The following SP3 variants were observed in gnomAD, a reference collection of about 807,000 sequenced individuals.
SP3 encodes the protein Sp3 transcription factor.
SP3 carries 10 observed loss-of-function variants against 70.3 expected under a neutral mutation model. That is an observed-to-expected ratio of 0.14 (90% confidence interval 0.09 to 0.24). SP3 has a LOEUF of 0.24. Ranked by LOEUF, SP3 falls within the 10% of genes least tolerant of loss-of-function variation. The pLI, the probability that SP3 is intolerant of heterozygous loss-of-function variation, is 1.00. For synonymous variants in SP3, 402 were observed against 333.5 expected, an observed-to-expected ratio of 1.21 and a Z score of -2.24; for missense variants, 825 against 914.6, an observed-to-expected ratio of 0.90 and a Z score of 1.26.
chr2:173,964,474 G>A lies in SP3; in HGVS notation c.87C>T (p.Gly29=), dbSNP rs1558909995. ...DSGGGGGGGG[G]HGEYLQQQQQ... ...GCTGCTGCTGCAGATACTCGCCGTG[G>A]CCGCCGCCGCCGCCACCGCCGCCGC... Residue 29 remains glycine, a synonymous_variant, in exon 2 of 7, where the codon GGC becomes GGT. Coordinates refer to ENST00000310015, the MANE Select transcript of SP3 (RefSeq NM_003111.5). 4.4e-6 allele frequency: 3 copies of A among 688,412 alleles called. No individual in the cohort carries two copies. Among genetic ancestry groups the A allele is most frequent in the East Asian group, 2.9e-5 (1 of 34,068 alleles). 42.6% of individuals were successfully genotyped at this position (688,412 alleles called of 1,614,324 possible).
chr2:173,965,238 G>C lies in SP3; in HGVS notation c.-67C>G. 1 of 1,536,898 alleles carries C rather than the reference G, an allele frequency of 6.5e-7. No individual in the cohort carries two copies. Among genetic ancestry groups the C allele is most frequent in the South Asian group, 1.2e-5 (1 of 83,122 alleles). The stretch of plus-strand genomic sequence containing the variant: ...ACACATGGTGAGGAGCGAAGGCGGC[G>C]GCGGCGGGAGAGGATGCGGGAAGCG... On this transcript the variant is annotated 5_prime_UTR_variant, in exon 1 of 7. Coordinates refer to ENST00000310015, the MANE Select transcript of SP3 (RefSeq NM_003111.5).
intron 5 of SP3, among the ~76,000 whole-genome samples, chr2:173,917,294 A>G (rs968739183): frequency 2.7e-5 from 4 of 149,542 alleles, no homozygotes; most frequent in Non-Finnish European, 4.5e-5. Context: ...ATTTTAATTG[A>G]CCAAAATATG....
At position 173,901,482 on chromosome 2, in the gene SP3, C is replaced by T. The variant is rs1233496353; in HGVS notation, c.*8459G>A. On this transcript the variant is annotated 3_prime_UTR_variant, in exon 7 of 7. Coordinates refer to ENST00000310015, the MANE Select transcript of SP3 (RefSeq NM_003111.5). ...AAAAATTGCAAATAACCCCAAAAAGCAAGTGGGCAAAGGATTCAAACAGGC... is the reference window on the plus strand; with the variant it reads ...AAAAATTGCAAATAACCCCAAAAAGTAAGTGGGCAAAGGATTCAAACAGGC... Among the ~76,000 whole-genome samples, 1 of 151,846 alleles carries T rather than the reference C, an allele frequency of 6.6e-6. No individual in the cohort carries two copies. Among genetic ancestry groups the T allele is most frequent in the Non-Finnish European group, 1.5e-5 (1 of 67,958 alleles).
rs762685885 is a variant in SP3 at position 173,909,198 on chromosome 2, T to TC, written c.*742dup. ...AACATTCTCTTACCACCCAAATGCC[T>TC]CAACTTATACATTTTAAACTTTTTT... On this transcript the variant is annotated 3_prime_UTR_variant, in exon 7 of 7. Transcript: ENST00000310015. 7.2e-5 allele frequency: 11 copies of TC among 152,620 alleles called. No homozygotes were observed. Among genetic ancestry groups the TC allele is most frequent in the Non-Finnish European group, 1.5e-4 (10 of 67,992 alleles). The allele number at this position is 152,620 out of a possible 1,614,324, so 9.5% of individuals were successfully genotyped here. A position where few individuals can be genotyped will look rare whatever the true frequency, so the allele number is the denominator to read the frequency against.
At chr2:173,915,089 G>C in intron 5 of SP3, 1 of 152,048 alleles carries the variant, frequency 6.6e-6, no homozygotes, top group East Asian at 1.9e-4. Context: ...AATTTAGCAT[G>C]GGAACACTAA....
At position 173,906,523 on chromosome 2, in the gene SP3, T is replaced by G. The variant is rs1689327304; in HGVS notation, c.*3418A>C. On this transcript the variant is annotated 3_prime_UTR_variant, in exon 7 of 7. Coordinates refer to ENST00000310015, the MANE Select transcript of SP3 (RefSeq NM_003111.5). ...TACAACAAAAACGATTGTTACCAGC[T>G]TCATATAATTAAAACTGAAAACCAA... The G allele has an allele frequency of 6.6e-6, 1 of 152,206 alleles. No individual in the cohort carries two copies. Among genetic ancestry groups the G allele is most frequent in the Admixed American group, 6.5e-5 (1 of 15,274 alleles). 9.4% of individuals were successfully genotyped at this position (152,206 alleles called of 1,614,324 possible). A position where few individuals can be genotyped will look rare whatever the true frequency, so the allele number is the denominator to read the frequency against.
chr2:173,931,205 C>T (rs1045537249), intron 4 of SP3, among the ~76,000 whole-genome samples: 1 of 152,158 alleles, frequency 6.6e-6, no homozygotes, highest in African/African-American at 2.4e-5. Context: ...AGGGTCTTGC[C>T]TCAAAGTCAA....
intron 4 of SP3, among the ~76,000 whole-genome samples, chr2:173,922,766 A>G (rs1297317278): frequency 2.6e-5 from 4 of 152,214 alleles, no homozygotes; most frequent in South Asian, 4.1e-4. Context: ...CATTGTGGTA[A>G]TCACTGGTGA....
At chr2:173,949,267 C>G (rs1175831371) in intron 4 of SP3, among the ~76,000 whole-genome samples, 2 of 152,006 alleles carry the variant, frequency 1.3e-5, no homozygotes, top group Non-Finnish European at 2.9e-5. Flanking sequence ...TTATCTTTCA[C>G]CTTGTTAGAA....
chr2:173,914,518 T>A (rs1483601296), intron 5 of SP3: 11 of 152,206 alleles, frequency 7.2e-5, no homozygotes. Flanking sequence ...GTGCTGGCTG[T>A]TAGATGCCAT....
Position 173,965,247 on chromosome 2 carries a change from AG to A in SP3, c.-77del, listed in dbSNP as rs1049000867. ...GAGGAGCGAAGGCGGCGGCGGCGGG[AG>A]AGGATGCGGGAAGCGGCGGCGGACA... On this transcript the variant is annotated 5_prime_UTR_variant, in exon 1 of 7. Transcript: ENST00000310015. 4 of 1,511,396 alleles carry A rather than the reference AG, an allele frequency of 2.6e-6. No individual in the cohort carries two copies. In the African/African-American group the frequency reaches 5.6e-5, roughly 21 times the overall value. The allele number at this position is 1,511,396 out of a possible 1,614,324, so 93.6% of individuals were successfully genotyped here.
chr2:173,924,550 C>T (rs1287289027), intron 4 of SP3, among the ~76,000 whole-genome samples: 1 of 152,166 alleles, frequency 6.6e-6, no homozygotes, highest in East Asian at 1.9e-4. Flanking sequence ...TAAGTGTTTA[C>T]ATATATTAAC....
At chr2:173,957,588 G>A (rs1423346016) in intron 3 of SP3, among the ~76,000 whole-genome samples, 1 of 152,084 alleles carries the variant, frequency 6.6e-6, no homozygotes, top group African/African-American at 2.4e-5. Context: ...AAGTAATGGG[G>A]AACAGGACTA....
chr2:173,965,109 T>TCGGCGG, intron 1 of SP3, 56 bp downstream of exon 1: 2 of 1,543,458 alleles, frequency 1.3e-6, no homozygotes, highest in African/African-American at 1.4e-5. Flanking sequence ...CTGGCTGTGG[T>TCGGCGG]CGGCGGCAGC....
chr2:173,933,767 C>G (rs6745833), intron 4 of SP3, among the ~76,000 whole-genome samples: 36,543 of 149,798 alleles, frequency 0.24, 4,572 homozygotes, highest in Admixed American at 0.3. Context: ...TCTGATATAA[C>G]CCTGCTTCAA....
rs776375159 is a variant in SP3, at chr2:173,910,237, G to T, written c.2050C>A (p.Pro684Thr). 2 of 1,613,594 alleles carry T rather than the reference G, an allele frequency of 1.2e-6. No homozygotes were observed. The highest frequency in any genetic ancestry group is 8.5e-7 in the Non-Finnish European group (1 of 1,179,758). Residue 684 changes from proline to threonine, a missense_variant, in exon 7 of 7, where the codon CCA becomes ACA. Physicochemically the swap from Pro to Thr is conservative, Grantham distance 38. Transcript: ENST00000310015. ...CTCATAAAGCGTTTTGAACATTCTG[G>T]ACAAACAAATTTCTTCTCACCTGTT... ...THTGEKKFVC[P>T]ECSKRFMRSD...
chr2:173,911,351 A>C (rs1317256083), intron 6 of SP3, among the ~76,000 whole-genome samples: 1 of 152,166 alleles, frequency 6.6e-6, no homozygotes, highest in Non-Finnish European at 1.5e-5. Flanking sequence ...GTAAAATCTC[A>C]TCCTCATTCA....
At chr2:173,964,227 G>A (rs1046442186) in intron 2 of SP3, 178 bp downstream of exon 2, 34 of 482,662 alleles carry the variant, frequency 7.0e-5, no homozygotes, top group Non-Finnish European at 1.0e-4. Flanking sequence ...AGGCGGGGCG[G>A]CGCGGGCGGG....
intron 3 of SP3, chr2:173,963,363 G>A (rs1691149194): frequency 6.6e-6 from 1 of 152,100 alleles, no homozygotes; most frequent in South Asian, 2.1e-4. Context: ...AAATGCTCCA[G>A]GTTCAAAAAT....
Sources: allele counts gnomAD v4.1 joint callset (sites outside exome capture counted in the v4.1 genomes callset), GRCh38; gene constraint gnomAD v4.1.1; transcripts MANE v1.5; gene names NCBI Gene and HGNC (gene_info 2026-07-23, HGNC 2026-07-21).